IL1RAPL2: variants seen among roughly 807,000 people sequenced by gnomAD.
The protein encoded by IL1RAPL2 is interleukin 1 receptor accessory protein like 2.
Under a neutral mutation model 44.1 loss-of-function variants are expected in IL1RAPL2, and 3 were observed. The observed-to-expected ratio is 0.07, with a 90% CI of 0.03 to 0.18. The LOEUF is 0.18. Ranked by LOEUF, IL1RAPL2 falls within the 10% of genes least tolerant of loss-of-function variation. The pLI, the probability that IL1RAPL2 is intolerant of heterozygous loss-of-function variation, is 1.00. For missense variants in IL1RAPL2, 391 were observed against 496.4 expected (o/e 0.79, Z 2.02); for synonymous variants, 181 against 178.8 (o/e 1.01, Z -0.10).
At chrX:105,495,099 G>C (rs2036348267) in intron 6 of IL1RAPL2, among the ~76,000 whole-genome samples, 1 of 112,346 alleles carries the variant, frequency 8.9e-6, no homozygotes. Flanking sequence ...GATACTGAAA[G>C]ATCAAAGACA....
At chrX:105,015,083 T>A (rs571341041) in intron 2 of IL1RAPL2, among the ~76,000 whole-genome samples, 38 of 112,234 alleles carry the variant, frequency 3.4e-4, no homozygotes, top group Admixed American at 7.5e-4. Context: ...GAGCTTTTTT[T>A]AATATGTTTC....
intron 5 of IL1RAPL2, among the ~76,000 whole-genome samples, chrX:105,301,708 CT>C (rs1478473001): frequency 8.9e-6 from 1 of 112,016 alleles, no homozygotes; most frequent in Non-Finnish European, 1.9e-5. Context: ...AGATCTCATT[CT>C]TTTTTTATGG....
intron 3 of IL1RAPL2, among the ~76,000 whole-genome samples, chrX:105,233,275 C>T (rs1048580072): frequency 1.8e-5 from 2 of 111,427 alleles, no homozygotes; most frequent in Non-Finnish European, 3.8e-5. Context: ...CAGAGCGAGG[C>T]GCCGTCTCAA....
chrX:105,474,828 C>T (rs1431052957), intron 5 of IL1RAPL2, among the ~76,000 whole-genome samples: 2 of 108,454 alleles, frequency 1.8e-5, no homozygotes, highest in Non-Finnish European at 3.8e-5. Context: ...TTTGGTGATG[C>T]TTATATGGAG....
At chrX:104,893,300 A>G (rs1390574906) in intron 2 of IL1RAPL2, among the ~76,000 whole-genome samples, 4 of 111,861 alleles carry the variant, frequency 3.6e-5, no homozygotes, top group Admixed American at 9.5e-5. Flanking sequence ...GTAGATGTCT[A>G]TTAGGTCCAC....
chrX:104,991,176 C>T (rs1001265897), intron 2 of IL1RAPL2, among the ~76,000 whole-genome samples: 1 of 111,510 alleles, frequency 9.0e-6, no homozygotes, highest in Admixed American at 9.6e-5. Context: ...TCTTTAGACA[C>T]ACTACTTTTG....
chrX:105,010,412 G>T (rs898072244), intron 2 of IL1RAPL2, among the ~76,000 whole-genome samples: 3 of 111,050 alleles, frequency 2.7e-5, no homozygotes, highest in Non-Finnish European at 5.7e-5. Flanking sequence ...ATCATCATTT[G>T]TTTCTCTTCT....
At chrX:105,570,864 A>C (rs779561667) in intron 6 of IL1RAPL2, among the ~76,000 whole-genome samples, 1 of 111,822 alleles carries the variant, frequency 8.9e-6, no homozygotes, top group South Asian at 3.7e-4. Flanking sequence ...ATGCATTTGG[A>C]GATGGCCTTG....
chrX:104,858,488 A>G (rs1452044384), intron 2 of IL1RAPL2, among the ~76,000 whole-genome samples: 1 of 112,121 alleles, frequency 8.9e-6, no homozygotes, highest in Non-Finnish European at 1.9e-5. Context: ...AAACTTGTAA[A>G]CAAATTCTAA....
At chrX:104,903,743 A>T (rs1206479371) in intron 2 of IL1RAPL2, among the ~76,000 whole-genome samples, 2 of 108,953 alleles carry the variant, frequency 1.8e-5, no homozygotes, top group Non-Finnish European at 3.8e-5. Flanking sequence ...ATGCCTGGCT[A>T]ATTTTTTGTA....
chrX:105,072,748 T>G (rs1033884322), intron 2 of IL1RAPL2, among the ~76,000 whole-genome samples: 3 of 111,039 alleles, frequency 2.7e-5, no homozygotes, highest in Non-Finnish European at 5.7e-5. Context: ...CATCAACCAG[T>G]CATCTACATT....
intron 2 of IL1RAPL2, among the ~76,000 whole-genome samples, chrX:104,675,181 T>C (rs1292296956): frequency 9.0e-6 from 1 of 111,078 alleles, no homozygotes; most frequent in Non-Finnish European, 1.9e-5. Context: ...GTTCTTTTAA[T>C]TGTGATGTTA....
chrX:104,597,998 T>G (rs552768371), intron 1 of IL1RAPL2, among the ~76,000 whole-genome samples: 190 of 112,150 alleles, frequency 1.7e-3, no homozygotes, highest in Middle Eastern at 0.014. Context: ...TGTGGGGCAG[T>G]TATGTTTCAG....
chrX:104,707,936 A>G (rs1181246015), intron 2 of IL1RAPL2, among the ~76,000 whole-genome samples: 1 of 111,644 alleles, frequency 9.0e-6, no homozygotes, highest in African/African-American at 3.3e-5. Flanking sequence ...CTTCTTTATA[A>G]TCACTTGTCA....
intron 1 of IL1RAPL2, among the ~76,000 whole-genome samples, chrX:104,614,462 A>G (rs1929229317): frequency 8.9e-6 from 1 of 111,896 alleles, no homozygotes; most frequent in African/African-American, 3.2e-5. Context: ...ATCTTGGAGT[A>G]TGTTCTGAGT....
At chrX:105,301,600 A>G (rs777121819) in intron 5 of IL1RAPL2, among the ~76,000 whole-genome samples, 4 of 110,492 alleles carry the variant, frequency 3.6e-5, no homozygotes, top group Non-Finnish European at 7.6e-5. Flanking sequence ...TTTAGATCCC[A>G]ACAATAAATG....
intron 6 of IL1RAPL2, among the ~76,000 whole-genome samples, chrX:105,676,756 A>G (rs1485581239): frequency 1.8e-5 from 2 of 112,176 alleles, no homozygotes; most frequent in East Asian, 5.6e-4. Context: ...TGTCTTCTTC[A>G]ATAATTACAT....
intron 2 of IL1RAPL2, among the ~76,000 whole-genome samples, chrX:105,131,275 ATCGGG>A: frequency 9.0e-6 from 1 of 110,537 alleles, no homozygotes; most frequent in Admixed American, 9.7e-5. Context: ...AGGACTCTAC[ATCGGG>A]GTTAGCAAAC....
chrX:105,199,222 T>C (rs2033695769), intron 3 of IL1RAPL2, among the ~76,000 whole-genome samples: 1 of 111,021 alleles, frequency 9.0e-6, no homozygotes, highest in African/African-American at 3.3e-5. Context: ...ATTTTCTTGC[T>C]CAGATTCTTC....
Sources: gnomAD v4.1 joint callset for allele counts (sites outside exome capture counted in the v4.1 genomes callset) on GRCh38, gnomAD v4.1.1 for gene constraint, MANE v1.5 for transcripts, NCBI Gene and HGNC (gene_info 2026-07-23, HGNC 2026-07-21) for gene names.